The following SCAP variants were observed in gnomAD, a reference collection of about 807,000 sequenced individuals.
SCAP encodes the protein sterol regulatory element-binding protein cleavage-activating protein.
SCAP carries 65 observed loss-of-function variants against 123.6 expected under a neutral mutation model. The ratio of observed to expected loss-of-function variants is 0.53; its 90% CI spans 0.43 to 0.65. SCAP has a LOEUF of 0.65. Among genes scored for constraint, SCAP ranks in the 30% least tolerant of loss-of-function variants. The pLI is 0.00. For missense variants in SCAP, 1,398 were observed against 1,712.5 expected (o/e 0.82, Z 3.24); for synonymous variants, 740 against 726.3 (o/e 1.02, Z -0.30).
At chr3:47,440,082 A>G (rs1706737656) in intron 2 of SCAP, among the ~76,000 whole-genome samples, 1 of 152,180 alleles carries the variant, frequency 6.6e-6, no homozygotes, top group African/African-American at 2.4e-5. Context: ...TGGTGTGCAA[A>G]AAGTATTTCT....
At position 47,462,957 on chromosome 3, in the gene SCAP, A is replaced by G. The variant is rs761870471; in HGVS notation, c.-99+12842T>C. 2.0e-5 allele frequency among the ~76,000 whole-genome samples: 3 copies of G among 151,714 alleles called. No homozygotes were observed. The East Asian group carries it at 5.8e-4, about 29-fold the overall frequency. ...CTTCTCAGCCTGACTCCTGGCTCCA[A>G]TTCTCATCTGTTTGCTGATGTCTCT... On this transcript the variant is annotated intron_variant, in intron 1 of 22. Coordinates refer to ENST00000265565, the MANE Select transcript of SCAP (RefSeq NM_012235.4).
intron 16 of SCAP, among the ~76,000 whole-genome samples, 153 bp from the exon 17 acceptor site, chr3:47,417,979 G>A (rs1237969039): frequency 3.1e-5 from 3 of 97,854 alleles, no homozygotes; most frequent in Admixed American, 9.4e-5. Context: ...AGGGGGGTAC[G>A]GGGTGGTGGG....
chr3:47,417,023 A>C (rs1308737436), intron 18 of SCAP, 99 bp downstream of exon 18: 3 of 1,017,032 alleles, frequency 2.9e-6, no homozygotes, highest in Non-Finnish European at 3.0e-6. Context: ...CGAATCATAC[A>C]GTACAGCAGT....
At chr3:47,415,280 C>A (rs751335638) in intron 18 of SCAP, 100 bp from the exon 19 acceptor site, 22 of 1,088,526 alleles carry the variant, frequency 2.0e-5, no homozygotes, top group Non-Finnish European at 2.7e-5. Context: ...CAAGAAGGCA[C>A]AGGAGGGACA....
chr3:47,452,074 C>T (rs1051392621), intron 1 of SCAP, among the ~76,000 whole-genome samples: 1 of 152,162 alleles, frequency 6.6e-6, no homozygotes, highest in African/African-American at 2.4e-5. Flanking sequence ...ATATATTTTC[C>T]AGTAGTTCTC....
intron 1 of SCAP, among the ~76,000 whole-genome samples, chr3:47,452,254 T>A (rs1707253795): frequency 6.6e-6 from 1 of 152,202 alleles, no homozygotes; most frequent in South Asian, 2.1e-4. Flanking sequence ...TAAATTTTTA[T>A]TAAATGCACC....
chr3:47,463,666 C>T (rs1037609938), intron 1 of SCAP, among the ~76,000 whole-genome samples: 8 of 151,918 alleles, frequency 5.3e-5, no homozygotes, highest in African/African-American at 1.5e-4. Flanking sequence ...TGACTGCACT[C>T]GAGCCTGGCA....
At chr3:47,434,821 G>A in intron 3 of SCAP, 187 bp downstream of exon 3, 2 of 625,130 alleles carry the variant, frequency 3.2e-6, no homozygotes, top group East Asian at 6.6e-5. Context: ...TGGACAACAG[G>A]AGCAAAACTC....
intron 1 of SCAP, among the ~76,000 whole-genome samples, chr3:47,472,768 T>C (rs1219963387): frequency 6.6e-6 from 1 of 151,978 alleles, no homozygotes; most frequent in Non-Finnish European, 1.5e-5. Flanking sequence ...CCACTACCCT[T>C]ACCTGCCAAT....
intron 1 of SCAP, among the ~76,000 whole-genome samples, chr3:47,474,337 T>G (rs1708185735): frequency 1.3e-5 from 2 of 152,050 alleles, no homozygotes; most frequent in South Asian, 2.1e-4. Flanking sequence ...TTAAAAAGCC[T>G]AATTCTTTCC....
intron 1 of SCAP, among the ~76,000 whole-genome samples, chr3:47,448,958 C>A (rs1707152553): frequency 6.6e-6 from 1 of 152,116 alleles, no homozygotes; most frequent in Non-Finnish European, 1.5e-5. Flanking sequence ...GTTTAAGTCC[C>A]ACGTAAAATT....
At chr3:47,414,727 G>T in intron 20 of SCAP, 75 bp from the exon 21 acceptor site, 1 of 1,610,116 alleles carries the variant, frequency 6.2e-7, no homozygotes, top group Middle Eastern at 1.7e-4. Context: ...AATGCCCTCT[G>T]TTCTTCATCA....
upstream of SCAP, among the ~76,000 whole-genome samples, chr3:47,476,397 G>A (rs892253514): frequency 2.4e-4 from 36 of 152,120 alleles, no homozygotes; most frequent in African/African-American, 7.2e-4. Context: ...GGAGGTCGAG[G>A]CCACAGTGAG....
intron 18 of SCAP, 117 bp downstream of exon 18, chr3:47,416,994 GGGCACCAAGAA>G: frequency 1.3e-6 from 1 of 782,488 alleles, no homozygotes; most frequent in South Asian, 1.8e-5. Context: ...GTGTGGAGCT[GGGCACCAAGAA>G]GGTCAATCGA....
intron 1 of SCAP, among the ~76,000 whole-genome samples, chr3:47,473,954 G>A (rs760699669): frequency 1.3e-5 from 2 of 152,114 alleles, no homozygotes; most frequent in Non-Finnish European, 2.9e-5. Flanking sequence ...CGTTTTTGCC[G>A]CAACAGCAAA....
rs910213964 is a variant in SCAP at position 47,413,978 on chromosome 3, C to T, written c.3716G>A (p.Gly1239Glu). Residue 1239 changes from glycine (G) to glutamate (E), a missense_variant, in exon 23 of 23, where the codon GGG becomes GAG. Physicochemically the swap from Gly to Glu is moderately conservative, Grantham distance 98. This residue lies in a region of SCAP where 130 missense variants were observed against 166.7 expected (regional missense o/e 0.78). Transcript: ENST00000265565. Reference protein sequence around the residue: ...YGDLLQTVYLGKNSEAQPARQ... With the variant: ...YGDLLQTVYLEKNSEAQPARQ... The stretch of plus-strand genomic sequence containing the variant: ...GGCAGGCTGGGCCTCACTGTTCTTC[C>T]CCAGGTAGACTGTCTGTAACAGGTC... 1.2e-6 allele frequency: 2 copies of T among 1,613,320 alleles called. No individual in the cohort carries two copies. The highest frequency in any genetic ancestry group is 1.7e-6 in the Non-Finnish European group (2 of 1,180,016).
At chr3:47,429,268 G>T (rs540441420) in intron 3 of SCAP, among the ~76,000 whole-genome samples, 1 of 152,380 alleles carries the variant, frequency 6.6e-6, no homozygotes, top group South Asian at 2.1e-4. Context: ...TGGGCAGCGA[G>T]CCTCTTTTGC....
chr3:47,427,816 G>T (rs1168704141), intron 4 of SCAP, 149 bp from the exon 5 acceptor site: 8 of 679,142 alleles, frequency 1.2e-5, no homozygotes, highest in South Asian at 1.1e-4. Context: ...GCAGCAGGGG[G>T]AAGTACTTCC....
chr3:47,438,706 C>T (rs1203946023), intron 2 of SCAP, among the ~76,000 whole-genome samples: 3 of 151,652 alleles, frequency 2.0e-5, no homozygotes, highest in Non-Finnish European at 2.9e-5. Context: ...CCTAGCTACT[C>T]GGGCAGCTGA....
Sources: allele counts gnomAD v4.1 joint callset (sites outside exome capture counted in the v4.1 genomes callset), GRCh38; gene constraint gnomAD v4.1.1; regional missense constraint gnomAD v4.1.1; transcripts MANE v1.5; gene names NCBI Gene and HGNC (gene_info 2026-07-23, HGNC 2026-07-21).